Variants in STOML3 observed in about 807,000 individuals in gnomAD.
STOML3 encodes stomatin-like protein 3.
Under a neutral mutation model 29.5 loss-of-function variants are expected in STOML3, and 31 were observed. The ratio of observed to expected loss-of-function variants is 1.05; its 90% CI spans 0.79 to 1.42. The LOEUF is 1.42. Among genes scored for constraint, STOML3 ranks in the 40% most tolerant of loss-of-function variants. The probability of loss-of-function intolerance (pLI) is 0.00; values close to 1 mark genes in which losing one functional copy is unlikely to be tolerated. For synonymous variants in STOML3, 122 were observed against 139.8 expected, an observed-to-expected ratio of 0.87 and a Z score of 0.90; for missense variants, 380 against 363.0, an observed-to-expected ratio of 1.05 and a Z score of -0.38.
At chr13:38,978,586 G>T (rs552929987) in intron 1 of STOML3, among the ~76,000 whole-genome samples, 29 of 152,122 alleles carry the variant, frequency 1.9e-4, no homozygotes, top group Non-Finnish European at 3.4e-4. Context: ...GATATCCCCA[G>T]CCAGCTCACC....
intron 1 of STOML3, among the ~76,000 whole-genome samples, chr13:38,978,289 G>T (rs1034526595): frequency 1.3e-5 from 2 of 152,058 alleles, no homozygotes; most frequent in Non-Finnish European, 2.9e-5. Flanking sequence ...GAGTACCTGG[G>T]ATTACAGGCA....
intron 1 of STOML3, among the ~76,000 whole-genome samples, chr13:38,986,561 T>C (rs1291595533): frequency 1.3e-5 from 2 of 152,076 alleles, no homozygotes; most frequent in Non-Finnish European, 2.9e-5. Context: ...AGTCAGCAAA[T>C]AGAACTTTAG....
rs1593494882 is a variant in STOML3, at chr13:38,966,746, C to G, written c.*79G>C. 8.3e-7 allele frequency: 1 copy of G among 1,200,222 alleles called. No individual in the cohort carries two copies. The highest frequency in any genetic ancestry group is 2.3e-5 in the East Asian group (1 of 42,674). 74.3% of individuals were successfully genotyped at this position (1,200,222 alleles called of 1,614,324 possible). On this transcript the variant is annotated 3_prime_UTR_variant, in exon 7 of 7. Transcript: ENST00000379631. ...CTGTTACATGAACAGTGTTGGAATTCTCACCGTTTCTAACTACTGGCTTCT... is the reference window on the plus strand; with the variant it reads ...CTGTTACATGAACAGTGTTGGAATTGTCACCGTTTCTAACTACTGGCTTCT...
chr13:38,985,841 G>T (rs78132401), intron 1 of STOML3, among the ~76,000 whole-genome samples: 1 of 137,680 alleles, frequency 7.3e-6, no homozygotes, highest in South Asian at 2.4e-4. Context: ...ATATAGAATA[G>T]AAAAAATTTT....
chr13:38,967,132 C>T, intron 6 of STOML3, 83 bp from the exon 7 acceptor site: 1 of 1,245,166 alleles, frequency 8.0e-7, no homozygotes, highest in Non-Finnish European at 1.1e-6. Flanking sequence ...TGTATTGATA[C>T]CCCTCTCCCC....
At chr13:38,969,601 C>T (rs7992693) in intron 5 of STOML3, among the ~76,000 whole-genome samples, 128,332 of 152,176 alleles carry the variant, frequency 0.84, 54,483 homozygotes, top group East Asian at 0.96. Flanking sequence ...AAGCTCAGAA[C>T]CCAAATGTAA....
intron 4 of STOML3, among the ~76,000 whole-genome samples, chr13:38,972,225 T>A (rs541323003): frequency 6.6e-5 from 10 of 152,320 alleles, no homozygotes; most frequent in Admixed American, 5.9e-4. Context: ...TCATTCTCCA[T>A]CCCAGCTTCC....
At chr13:38,987,841 T>G (rs1265189305) in intron 1 of STOML3, among the ~76,000 whole-genome samples, 8 of 95,912 alleles carry the variant, frequency 8.3e-5, no homozygotes, top group Non-Finnish European at 1.5e-4. Flanking sequence ...TATATTATAT[T>G]TTATATAATA....
chr13:38,975,463 G>A (rs9576668), intron 3 of STOML3, among the ~76,000 whole-genome samples: 7 of 152,022 alleles, frequency 4.6e-5, no homozygotes, highest in Non-Finnish European at 7.4e-5. Context: ...ATAGAGCATC[G>A]TGGTGCTCAG....
intron 1 of STOML3, among the ~76,000 whole-genome samples, chr13:38,987,831 T>C (rs1210015760): frequency 1.4e-5 from 1 of 73,000 alleles, no homozygotes; most frequent in Non-Finnish European, 2.3e-5. Context: ...TTTTATATAA[T>C]ATATTATATT....
At chr13:38,987,064 T>G (rs1868600290) in intron 1 of STOML3, among the ~76,000 whole-genome samples, 1 of 152,184 alleles carries the variant, frequency 6.6e-6, no homozygotes, top group Non-Finnish European at 1.5e-5. Flanking sequence ...TTAATAGTGA[T>G]GTGATAATAA....
chr13:38,981,237 T>A (rs1881258545), intron 1 of STOML3, among the ~76,000 whole-genome samples: 1 of 151,554 alleles, frequency 6.6e-6, no homozygotes, highest in African/African-American at 2.4e-5. Flanking sequence ...CAGTGGTGCG[T>A]GTCTACCTTT....
intron 1 of STOML3, among the ~76,000 whole-genome samples, chr13:38,990,381 G>T (rs189632812): frequency 5.3e-5 from 8 of 152,146 alleles, no homozygotes; most frequent in African/African-American, 1.9e-4. Context: ...ATCAGCATAA[G>T]CAATGAATTC....
In STOML3 at chr13:38,970,389, C is replaced by G. The variant is rs768089286; in HGVS notation, c.313-1G>C. On this transcript the variant is annotated splice_acceptor_variant, in intron 4 of 6. Transcript: ENST00000379631. LOFTEE classifies it high-confidence loss of function. ...TAGTTACGGAGTCTCTGGTGAGGAT[C>G]TGTGGAGTAAGAACAGGGCAAAATC... The G allele has an allele frequency of 6.2e-7, 1 of 1,613,678 alleles. No individual in the cohort carries two copies. The highest frequency in any genetic ancestry group is 1.7e-5 in the Admixed American group (1 of 60,012).
At position 38,986,111 on chromosome 13, in the gene STOML3, G is replaced by A. The variant is rs372382216; in HGVS notation, c.52+4559C>T. Among the ~76,000 whole-genome samples the A allele has an allele frequency of 2.3e-4, 31 of 134,866 alleles. No individual in the cohort carries two copies. In the East Asian group the frequency reaches 2.8e-3, roughly 12 times the overall value. 88.5% of individuals were successfully genotyped at this position (134,866 alleles called of 152,430 possible). A position where few individuals can be genotyped will look rare whatever the true frequency, so the allele number is the denominator to read the frequency against. Reference sequence around the variant, plus strand: ...CTCTGTTGCCCCTGGACATGATCTCGAGTCACTGCAACCTCTGCCTTCCAG... The same window carrying A: ...CTCTGTTGCCCCTGGACATGATCTCAAGTCACTGCAACCTCTGCCTTCCAG... On this transcript the variant is annotated intron_variant, in intron 1 of 6. Transcript: ENST00000379631.
At chr13:38,972,220 C>G (rs1166613315) in intron 4 of STOML3, among the ~76,000 whole-genome samples, 1 of 152,218 alleles carries the variant, frequency 6.6e-6, no homozygotes, top group South Asian at 2.1e-4. Flanking sequence ...CTCTGTCATT[C>G]TCCATCCCAG....
Position 38,966,092 on chromosome 13 carries a change from T to C in STOML3, c.*733A>G, listed in dbSNP as rs1210717457. The C allele has an allele frequency of 6.6e-6, 1 of 152,224 alleles. No homozygotes were observed. The highest frequency in any genetic ancestry group is 1.5e-5 in the Non-Finnish European group (1 of 68,062). The allele number at this position is 152,224 out of a possible 1,614,324, so 9.4% of individuals were successfully genotyped here. On this transcript the variant is annotated 3_prime_UTR_variant, in exon 7 of 7. Coordinates refer to ENST00000379631, the MANE Select transcript of STOML3 (RefSeq NM_145286.3). Reference sequence around the variant, plus strand: ...AAATCCCCAGGGTGATGCTCCTCAGTGGTTTCAACCAATGCAACCTTTCCA... The same window carrying C: ...AAATCCCCAGGGTGATGCTCCTCAGCGGTTTCAACCAATGCAACCTTTCCA...
intron 5 of STOML3, 63 bp downstream of exon 5, chr13:38,970,122 T>C: frequency 6.8e-7 from 1 of 1,478,588 alleles, no homozygotes; most frequent in South Asian, 1.2e-5. Flanking sequence ...TGACATTTAA[T>C]AATCACTGAT....
chr13:38,972,669 C>T, intron 3 of STOML3, 75 bp from the exon 4 acceptor site: 1 of 1,246,688 alleles, frequency 8.0e-7, no homozygotes, highest in Non-Finnish European at 1.2e-6. Flanking sequence ...CAGCATAGTG[C>T]ATCATTTACA....
Sources: gnomAD v4.1 joint callset for allele counts (sites outside exome capture counted in the v4.1 genomes callset) on GRCh38, gnomAD v4.1.1 for gene constraint, MANE v1.5 for transcripts, NCBI Gene and HGNC (gene_info 2026-07-23, HGNC 2026-07-21) for gene names.